LRFN2: variants seen among roughly 807,000 people sequenced by gnomAD.
LRFN2 encodes the protein leucine rich repeat and fibronectin type III domain containing 2.
A neutral mutation model predicts 37.3 loss-of-function variants in LRFN2; 18 were observed. That is an observed-to-expected ratio of 0.48 (90% CI 0.33 to 0.72). The LOEUF is 0.72. Ranked by LOEUF, LRFN2 falls within the 30% of genes least tolerant of loss-of-function variation. LRFN2 has a pLI of 0.02. For missense variants in LRFN2, 1,006 were observed against 1,060.7 expected (o/e 0.95, Z 0.72); for synonymous variants, 556 against 466.6 (o/e 1.19, Z -2.47).
At chr6:40,479,276 T>C (rs146115318) in intron 1 of LRFN2, among the ~76,000 whole-genome samples, 301 of 152,304 alleles carry the variant, frequency 2.0e-3, no homozygotes, top group Non-Finnish European at 3.3e-3. Flanking sequence ...CAAAGCACAC[T>C]TGGGGAGACT....
At chr6:40,559,205 G>A (rs541386983) in intron 1 of LRFN2, among the ~76,000 whole-genome samples, 9 of 152,218 alleles carry the variant, frequency 5.9e-5, no homozygotes, top group African/African-American at 2.2e-4. Context: ...TGGGCCTGAT[G>A]GGGAGGGGTC....
intron 1 of LRFN2, among the ~76,000 whole-genome samples, chr6:40,503,913 G>T (rs1009483569): frequency 8.5e-5 from 13 of 152,198 alleles, no homozygotes; most frequent in Admixed American, 5.2e-4. Flanking sequence ...TGGAAAGATG[G>T]GGTGAAGGCC....
chr6:40,464,393 T>G (rs1727593492), intron 1 of LRFN2, among the ~76,000 whole-genome samples: 1 of 152,216 alleles, frequency 6.6e-6, no homozygotes, highest in African/African-American at 2.4e-5. Flanking sequence ...TAGGTTATGA[T>G]GAATTAATGC....
chr6:40,580,471 C>T (rs1372673494), intron 1 of LRFN2, among the ~76,000 whole-genome samples: 1 of 152,182 alleles, frequency 6.6e-6, no homozygotes, highest in East Asian at 1.9e-4. Context: ...CAGGGTTGTT[C>T]TACAGAGCAG....
chr6:40,496,853 A>G (rs1170045980), intron 1 of LRFN2, among the ~76,000 whole-genome samples: 1 of 152,158 alleles, frequency 6.6e-6, no homozygotes, highest in Non-Finnish European at 1.5e-5. Flanking sequence ...CACCTGGCAC[A>G]TAGTAGGTGC....
chr6:40,558,241 T>C (rs1488999820), intron 1 of LRFN2, among the ~76,000 whole-genome samples: 1 of 152,216 alleles, frequency 6.6e-6, no homozygotes, highest in Non-Finnish European at 1.5e-5. Flanking sequence ...CCTCTCCCTG[T>C]GGATCTAGGC....
intron 1 of LRFN2, among the ~76,000 whole-genome samples, chr6:40,462,436 C>T (rs1209295670): frequency 6.6e-6 from 1 of 152,116 alleles, no homozygotes; most frequent in African/African-American, 2.4e-5. Context: ...CCTGCAGCTC[C>T]CCTCAGTATG....
At chr6:40,482,377 C>T (rs1217770861) in intron 1 of LRFN2, among the ~76,000 whole-genome samples, 1 of 152,096 alleles carries the variant, frequency 6.6e-6, no homozygotes, top group Non-Finnish European at 1.5e-5. Context: ...ATGCTACGTT[C>T]TGGAGGCCCC....
chr6:40,557,762 T>C lies in LRFN2; in HGVS notation c.-19+29179A>G, dbSNP rs1581793885. Among the ~76,000 whole-genome samples the C allele has an allele frequency of 2.0e-5, 3 of 152,318 alleles. No homozygotes were observed. The South Asian group carries it at 6.2e-4, about 32-fold the overall frequency. On this transcript the variant is annotated intron_variant, in intron 1 of 2. Coordinates refer to ENST00000338305, the MANE Select transcript of LRFN2 (RefSeq NM_020737.3). Reference sequence around the variant, plus strand: ...TGTGACTTAGCCTTTCTGTGTCTCCTCTGTTAAATGGGGATGATAACAGCA... The same window carrying C: ...TGTGACTTAGCCTTTCTGTGTCTCCCCTGTTAAATGGGGATGATAACAGCA...
intron 1 of LRFN2, among the ~76,000 whole-genome samples, chr6:40,484,254 A>G (rs568039382): frequency 1.3e-5 from 2 of 152,346 alleles, no homozygotes; most frequent in South Asian, 4.1e-4. Flanking sequence ...GTGCCGATCC[A>G]GGAGACAGGG....
chr6:40,525,635 T>C (rs1340139688), intron 1 of LRFN2, among the ~76,000 whole-genome samples: 2 of 152,208 alleles, frequency 1.3e-5, no homozygotes, highest in African/African-American at 2.4e-5. Context: ...GATTTACACA[T>C]GCTCCGAGCC....
intron 1 of LRFN2, among the ~76,000 whole-genome samples, chr6:40,484,260 C>T (rs1486112650): frequency 5.3e-5 from 8 of 152,172 alleles, no homozygotes; most frequent in African/African-American, 1.9e-4. Context: ...ATCCAGGAGA[C>T]AGGGTCAGCT....
At chr6:40,482,234 C>G (rs1764847732) in intron 1 of LRFN2, among the ~76,000 whole-genome samples, 1 of 152,182 alleles carries the variant, frequency 6.6e-6, no homozygotes, top group East Asian at 1.9e-4. Flanking sequence ...GGGCCCAAGT[C>G]TAAAGAGGGT....
At chr6:40,401,709 G>A (rs1762745330) in intron 2 of LRFN2, among the ~76,000 whole-genome samples, 1 of 152,094 alleles carries the variant, frequency 6.6e-6, no homozygotes, top group Non-Finnish European at 1.5e-5. Flanking sequence ...CATTGGTGCT[G>A]GTGTCTATAC....
chr6:40,453,756 G>A (rs1764172207), intron 1 of LRFN2, among the ~76,000 whole-genome samples: 1 of 152,092 alleles, frequency 6.6e-6, no homozygotes, highest in Admixed American at 6.5e-5. Flanking sequence ...AATTTGCTGA[G>A]GGCATGTTTT....
At chr6:40,436,418 G>A (rs1460480428) in intron 1 of LRFN2, among the ~76,000 whole-genome samples, 1 of 152,172 alleles carries the variant, frequency 6.6e-6, no homozygotes, top group African/African-American at 2.4e-5. Context: ...ATAACACATG[G>A]CACTGAAGCC....
intron 1 of LRFN2, among the ~76,000 whole-genome samples, chr6:40,548,828 T>C (rs1766713378): frequency 1.3e-5 from 2 of 152,146 alleles, no homozygotes; most frequent in African/African-American, 2.4e-5. Context: ...CTTGCTACCA[T>C]GAGGAGGAAG....
At chr6:40,487,295 A>T (rs1764983138) in intron 1 of LRFN2, among the ~76,000 whole-genome samples, 1 of 152,100 alleles carries the variant, frequency 6.6e-6, no homozygotes. Context: ...TGAGTAGATC[A>T]TTTATGCCAA....
At chr6:40,406,271 A>C (rs1762846156) in intron 2 of LRFN2, among the ~76,000 whole-genome samples, 1 of 152,194 alleles carries the variant, frequency 6.6e-6, no homozygotes, top group Non-Finnish European at 1.5e-5. Flanking sequence ...GTGAGTGCTT[A>C]ATTTGTGCTA....
Sources: allele counts gnomAD v4.1 joint callset (sites outside exome capture counted in the v4.1 genomes callset), GRCh38; gene constraint gnomAD v4.1.1; transcripts MANE v1.5; gene names NCBI Gene and HGNC (gene_info 2026-07-23, HGNC 2026-07-21).